Variants in F5 observed in about 807,000 individuals in gnomAD.
F5 encodes coagulation factor V.
F5 carries 138 observed loss-of-function variants against 216.4 expected under a neutral mutation model. The observed-to-expected ratio is 0.64, with a 90% CI of 0.56 to 0.73. The LOEUF is 0.73. Among genes scored for constraint, F5 ranks in the 30% least tolerant of loss-of-function variants. F5 has a pLI of 0.00. For missense variants in F5, 2,403 were observed against 2,674.0 expected (o/e 0.90, Z 2.24); for synonymous variants, 916 against 930.7 (o/e 0.98, Z 0.29).
intron 21 of F5, among the ~76,000 whole-genome samples, chr1:169,521,630 T>G (rs879856770): frequency 0.014 from 2,070 of 145,566 alleles, 56 homozygotes; most frequent in African/African-American, 0.045. Context: ...TTTTTTTTTT[T>G]TTTTTTTTTG....
chr1:169,541,277 G>C lies in F5; in HGVS notation c.3813C>G (p.Leu1271=), dbSNP rs377599416. 5.8e-6 allele frequency: 9 copies of C among 1,551,326 alleles called. No homozygotes were observed. Among genetic ancestry groups the C allele is most frequent in the Middle Eastern group, 1.7e-4 (1 of 5,750 alleles). ...ELSQTNLSPA[L]GQMPLSPDLS... is the part of the protein sequence containing the mutation. Reference sequence around the variant, plus strand: ...GGTCTGGAGAAAGGGGCATCTGACCGAGGGCTGGAGAAAGGTTTGTCTGAC... The same window carrying C: ...GGTCTGGAGAAAGGGGCATCTGACCCAGGGCTGGAGAAAGGTTTGTCTGAC... The change falls in exon 13 of 25, where the codon CTC becomes CTG. Residue 1271 remains leucine, a synonymous_variant. Transcript: ENST00000367797.
intron 3 of F5, among the ~76,000 whole-genome samples, chr1:169,571,827 T>C (rs909585267): frequency 6.6e-6 from 1 of 152,108 alleles, no homozygotes; most frequent in African/African-American, 2.4e-5. Flanking sequence ...CAGAGTTGAG[T>C]ACTTGCAACA....
chr1:169,530,972 TC>T lies in F5; in HGVS notation c.5021del (p.Gly1674AspfsTer61), dbSNP rs1557910347. On this transcript the variant is annotated frameshift_variant, in exon 15 of 25. Coordinates refer to ENST00000367797, the MANE Select transcript of F5 (RefSeq NM_000130.5). LOFTEE classifies it high-confidence loss of function. ...CCTCTGATGATTTTTCATAGGAAAG[TC>T]CATGGGCATGTAGAGAATACGGTCT... ...ASRPYSLHAH[G>X]LSYEKSSEGK... The T allele has an allele frequency of 6.2e-7, 1 of 1,613,730 alleles. No individual in the cohort carries two copies. The highest frequency in any genetic ancestry group is 1.1e-5 in the South Asian group (1 of 91,080).
chr1:169,522,452 T>G (rs1290240863), intron 21 of F5, among the ~76,000 whole-genome samples: 2 of 151,808 alleles, frequency 1.3e-5, no homozygotes, highest in Admixed American at 1.3e-4. Flanking sequence ...CAATCTGTGT[T>G]TTCTCTCATA....
chr1:169,548,525 G>T (rs145223959), intron 10 of F5, among the ~76,000 whole-genome samples: 2 of 152,048 alleles, frequency 1.3e-5, no homozygotes, highest in Non-Finnish European at 2.9e-5. Flanking sequence ...TAGAGCTAAA[G>T]GTAATATGCA....
In F5 at chr1:169,572,211, T is replaced by C. The variant is rs772199750; in HGVS notation, c.373+10A>G. On this transcript the variant is annotated intron_variant, in intron 3 of 24. Transcript: ENST00000367797. ...TTTCCCTTTTCAGAAAAATATTAGA[T>C]TTATCTTACCTTCTGATAATTTACT... The C allele has an allele frequency of 3.1e-6, 5 of 1,610,920 alleles. No individual in the cohort carries two copies. The highest frequency in any genetic ancestry group is 1.1e-5 in the South Asian group (1 of 90,906).
In F5 at chr1:169,542,166, G is replaced by C; in HGVS notation, c.2924C>G (p.Pro975Arg). 6.2e-7 allele frequency: 1 copy of C among 1,614,038 alleles called. No individual in the cohort carries two copies. Among genetic ancestry groups the C allele is most frequent in the Non-Finnish European group, 8.5e-7 (1 of 1,179,966 alleles). Residue 975 changes from proline to arginine, a missense_variant, in exon 13 of 25, where the codon CCC (proline) becomes CGC (arginine). Pro to Arg is a moderately radical substitution (Grantham distance 103, BLOSUM62 -2). Coordinates refer to ENST00000367797, the MANE Select transcript of F5 (RefSeq NM_000130.5). ...TCCCCAAGCACGTGAGGCATTCTGGGGGCTGATCAGCCAATTGTTAACAGC... is the reference window on the plus strand; with the variant it reads ...TCCCCAAGCACGTGAGGCATTCTGGCGGCTGATCAGCCAATTGTTAACAGC... Reference protein sequence around the residue: ...DTAVNNWLISPQNASRAWGES... With the variant: ...DTAVNNWLISRQNASRAWGES...
chr1:169,567,497 A>T (rs1443680875), intron 3 of F5, among the ~76,000 whole-genome samples: 1 of 151,600 alleles, frequency 6.6e-6, no homozygotes, highest in Non-Finnish European at 1.5e-5. Context: ...TGATGTATCT[A>T]TTCCAAAGGC....
chr1:169,560,074 T>C (rs77476533), intron 4 of F5, among the ~76,000 whole-genome samples: 2 of 152,152 alleles, frequency 1.3e-5, no homozygotes, highest in Non-Finnish European at 2.9e-5. Flanking sequence ...TTGAGTGTGT[T>C]TGAAACCTAC....
chr1:169,569,745 A>T (rs1660683963), intron 3 of F5, among the ~76,000 whole-genome samples: 1 of 152,064 alleles, frequency 6.6e-6, no homozygotes, highest in African/African-American at 2.4e-5. Context: ...GGTTATCCAG[A>T]GTTCTCTTAT....
chr1:169,528,586 G>T (rs937674350), intron 16 of F5, among the ~76,000 whole-genome samples: 1 of 152,082 alleles, frequency 6.6e-6, no homozygotes, highest in Non-Finnish European at 1.5e-5. Context: ...TTTATCGTTG[G>T]TGTATCCAGC....
intron 11 of F5, among the ~76,000 whole-genome samples, chr1:169,544,917 C>T (rs1386040050): frequency 6.6e-6 from 1 of 152,092 alleles, no homozygotes; most frequent in Non-Finnish European, 1.5e-5. Context: ...AAATAAAGCC[C>T]ATTTAGCATA....
At chr1:169,529,952 A>T (rs2157581) in intron 15 of F5, 134 bp from the exon 16 acceptor site, 11 of 705,500 alleles carry the variant, frequency 1.6e-5, no homozygotes, top group Middle Eastern at 3.3e-4. Context: ...AATGAATGGC[A>T]TAATAAGCCT....
At chr1:169,582,385 C>G (rs781341192) in intron 2 of F5, 46 bp downstream of exon 2, 1 of 1,056,302 alleles carries the variant, frequency 9.5e-7, no homozygotes, top group Admixed American at 2.3e-5. Flanking sequence ...CCAAATTACC[C>G]ATAGAAATTT....
rs201998895 is a variant in F5 at position 169,546,608 on chromosome 1, G to T, written c.1612-16C>A. ...CTGCTGCCCTCTGGAGGACAAAACA[G>T]TATAGTACTGGTACAAGAACAGACG... On this transcript the variant is annotated splice_polypyrimidine_tract_variant and intron_variant, in intron 10 of 24. Transcript: ENST00000367797. 2.2e-5 allele frequency: 36 copies of T among 1,612,508 alleles called. No homozygotes were observed. The South Asian group carries it at 2.5e-4, about 11-fold the overall frequency.
chr1:169,559,653 A>G (rs548033772), intron 4 of F5, among the ~76,000 whole-genome samples: 98 of 151,792 alleles, frequency 6.5e-4, no homozygotes, highest in Non-Finnish European at 1.1e-3. Context: ...ATCATGCCCC[A>G]AGTTTAATGC....
At chr1:169,561,061 G>T (rs1390568057) in intron 3 of F5, among the ~76,000 whole-genome samples, 1 of 152,138 alleles carries the variant, frequency 6.6e-6, no homozygotes, top group Non-Finnish European at 1.5e-5. Flanking sequence ...TCAGAGAATT[G>T]AATCGCCTTT....
chr1:169,517,294 T>G (rs978471611), intron 23 of F5, among the ~76,000 whole-genome samples: 5 of 152,168 alleles, frequency 3.3e-5, no homozygotes, highest in African/African-American at 1.2e-4. Flanking sequence ...ACCAGATGCT[T>G]TGCTCCTTGC....
In F5 at chr1:169,537,984, C is replaced by G. The variant is rs1449771093; in HGVS notation, c.4797-1304G>C. Among the ~76,000 whole-genome samples the G allele has an allele frequency of 2.0e-5, 3 of 151,766 alleles. No homozygotes were observed. In the East Asian group the frequency reaches 5.8e-4, roughly 29 times the overall value. ...ATCAATCCCACTTTTGGGTATATAC[C>G]CAAAGAAAATGAAATCAGTATGTTG... On this transcript the variant is annotated intron_variant, in intron 13 of 24. Coordinates refer to ENST00000367797, the MANE Select transcript of F5 (RefSeq NM_000130.5).
Sources: gnomAD v4.1 joint callset for allele counts (sites outside exome capture counted in the v4.1 genomes callset) on GRCh38, gnomAD v4.1.1 for gene constraint, MANE v1.5 for transcripts, NCBI Gene and HGNC (gene_info 2026-07-23, HGNC 2026-07-21) for gene names.